The following EFR3A variants were observed in gnomAD, a reference collection of about 807,000 sequenced individuals.
EFR3A encodes EFR3 homolog A, also known as protein EFR3 homolog A.
EFR3A carries 76 observed loss-of-function variants against 104.4 expected under a neutral mutation model. The observed-to-expected ratio is 0.73, with a 90% CI of 0.60 to 0.88. EFR3A has a LOEUF of 0.88. Ranked by LOEUF, EFR3A falls within the 40% of genes least tolerant of loss-of-function variation. EFR3A has a pLI of 0.00. For synonymous variants in EFR3A, 330 were observed against 330.0 expected, an observed-to-expected ratio of 1.00 and a Z score of 0.00; for missense variants, 985 against 1,012.5, an observed-to-expected ratio of 0.97 and a Z score of 0.37.
chr8:131,945,119 T>G (rs1000856260), intron 3 of EFR3A, among the ~76,000 whole-genome samples: 3 of 152,072 alleles, frequency 2.0e-5, no homozygotes, highest in Non-Finnish European at 4.4e-5. Flanking sequence ...TTGTGTCTAT[T>G]GATTTTTGAG....
At position 132,012,186 on chromosome 8, in the gene EFR3A, T is replaced by C. The variant is rs1287062463; in HGVS notation, c.*1291T>C. On this transcript the variant is annotated 3_prime_UTR_variant, in exon 23 of 23. Transcript: ENST00000254624. ...CTTTTTACATAAAACAGCATACATA[T>C]CAAAAACTGTAGCCTAGAATACAGT... The C allele has an allele frequency of 2.6e-5, 4 of 152,292 alleles. No individual in the cohort carries two copies. Among genetic ancestry groups the C allele is most frequent in the East Asian group, 3.9e-4 (2 of 5,186 alleles). 9.4% of individuals were successfully genotyped at this position (152,292 alleles called of 1,614,324 possible).
At position 131,904,210 on chromosome 8, in the gene EFR3A, G is replaced by T. The variant is rs946389078; in HGVS notation, c.-103G>T. On this transcript the variant is annotated 5_prime_UTR_variant, in exon 1 of 23. Coordinates refer to ENST00000254624, the MANE Select transcript of EFR3A (RefSeq NM_015137.6). ...CCCTTCGCCCTTCGCCCTTCGCCTC[G>T]TTCCGGCCTCCGCGGCCCAGCAACG... The T allele has an allele frequency of 8.2e-7, 1 of 1,224,806 alleles. No individual in the cohort carries two copies. The highest frequency in any genetic ancestry group is 1.0e-6 in the Non-Finnish European group (1 of 972,870). 75.9% of individuals were successfully genotyped at this position (1,224,806 alleles called of 1,614,324 possible).
chr8:132,007,109 A>G (rs1297564255), intron 22 of EFR3A, among the ~76,000 whole-genome samples: 1 of 151,900 alleles, frequency 6.6e-6, no homozygotes, highest in Non-Finnish European at 1.5e-5. Flanking sequence ...GTCTACTCTC[A>G]CCATGTCAAC....
chr8:132,011,110 T>C lies in EFR3A; in HGVS notation c.*215T>C. The stretch of plus-strand genomic sequence containing the variant: ...ATAGATTTATGCCATGTTAATTTGC[T>C]TTGAGGTTCCTGTTGCCTTTTTAAG... On this transcript the variant is annotated 3_prime_UTR_variant, in exon 23 of 23. Coordinates refer to ENST00000254624, the MANE Select transcript of EFR3A (RefSeq NM_015137.6). 1.6e-6 allele frequency: 2 copies of C among 1,215,558 alleles called. No individual in the cohort carries two copies. Among genetic ancestry groups the C allele is most frequent in the Non-Finnish European group, 2.1e-6 (2 of 971,518 alleles). The allele number at this position is 1,215,558 out of a possible 1,614,324, so 75.3% of individuals were successfully genotyped here. A position where few individuals can be genotyped will look rare whatever the true frequency, so the allele number is the denominator to read the frequency against.
intron 1 of EFR3A, among the ~76,000 whole-genome samples, chr8:131,911,740 T>C (rs1225912560): frequency 6.6e-6 from 1 of 152,194 alleles, no homozygotes; most frequent in East Asian, 1.9e-4. Flanking sequence ...TATAGAAATA[T>C]TGGCCAAAAT....
chr8:132,002,243 G>A (rs1586678764), intron 20 of EFR3A, among the ~76,000 whole-genome samples: 1 of 152,168 alleles, frequency 6.6e-6, no homozygotes, highest in African/African-American at 2.4e-5. Context: ...TACCTCGTAT[G>A]TGCAAGAACG....
At chr8:131,959,299 C>A (rs1457084360) in intron 7 of EFR3A, among the ~76,000 whole-genome samples, 4 of 151,912 alleles carry the variant, frequency 2.6e-5, no homozygotes, top group African/African-American at 9.7e-5. Flanking sequence ...GTTAAAATTA[C>A]CCTTTGAGAG....
At chr8:132,010,364 G>A (rs1822266691) in intron 22 of EFR3A, among the ~76,000 whole-genome samples, 1 of 132,186 alleles carries the variant, frequency 7.6e-6, no homozygotes, top group Admixed American at 8.2e-5. Context: ...ATGAAAAAAT[G>A]AAAATGAACC....
intron 8 of EFR3A, among the ~76,000 whole-genome samples, chr8:131,962,786 A>G (rs945623035): frequency 6.6e-6 from 1 of 152,168 alleles, no homozygotes; most frequent in African/African-American, 2.4e-5. Flanking sequence ...GCACCACACC[A>G]CACTTATTCC....
In EFR3A at chr8:131,953,986, GT is replaced by G. The variant is rs1818844200; in HGVS notation, c.638+20del. 6.6e-7 allele frequency: 1 copy of G among 1,512,832 alleles called. No individual in the cohort carries two copies. Among genetic ancestry groups the G allele is most frequent in the African/African-American group, 1.4e-5 (1 of 71,554 alleles). The allele number at this position is 1,512,832 out of a possible 1,614,324, so 93.7% of individuals were successfully genotyped here. A position where few individuals can be genotyped will look rare whatever the true frequency, so the allele number is the denominator to read the frequency against. On this transcript the variant is annotated intron_variant, in intron 6 of 22. Coordinates refer to ENST00000254624, the MANE Select transcript of EFR3A (RefSeq NM_015137.6). ...TTGACAGGTATTTAAAAAAATATTA[GT>G]GTTGAGACAGTGTTACTTTTATATA...
chr8:131,932,971 C>T (rs1201912109), intron 1 of EFR3A, among the ~76,000 whole-genome samples: 1 of 152,014 alleles, frequency 6.6e-6, no homozygotes, highest in Non-Finnish European at 1.5e-5. Context: ...TTACTACACT[C>T]CTCTAAAACA....
intron 14 of EFR3A, 29 bp downstream of exon 14, chr8:131,979,450 G>T (rs1213498209): frequency 7.0e-7 from 1 of 1,431,154 alleles, no homozygotes; most frequent in Admixed American, 2.0e-5. Flanking sequence ...AAATAAATGT[G>T]TAGTGTAAAT....
At chr8:131,950,117 A>G (rs1198582519) in intron 5 of EFR3A, 27 bp downstream of exon 5, 3 of 1,559,460 alleles carry the variant, frequency 1.9e-6, no homozygotes, top group Non-Finnish European at 2.6e-6. Flanking sequence ...TTTATGATCT[A>G]TAGTAAGTAA....
At chr8:131,928,673 G>T (rs377480652) in intron 1 of EFR3A, among the ~76,000 whole-genome samples, 6 of 152,090 alleles carry the variant, frequency 3.9e-5, no homozygotes, top group African/African-American at 1.4e-4. Context: ...CCACTGTTGT[G>T]ATTTATTTTG....
intron 8 of EFR3A, among the ~76,000 whole-genome samples, chr8:131,961,814 G>A (rs1586609147): frequency 6.6e-6 from 1 of 152,256 alleles, no homozygotes; most frequent in Admixed American, 6.5e-5. Context: ...AGAGAGAAAG[G>A]TCGGGTTACC....
intron 1 of EFR3A, among the ~76,000 whole-genome samples, chr8:131,939,466 A>G (rs1188173374): frequency 1.3e-4 from 20 of 152,176 alleles, no homozygotes; most frequent in African/African-American, 4.8e-4. Flanking sequence ...GCTCTTTTAA[A>G]CTAAAAGCAG....
intron 22 of EFR3A, among the ~76,000 whole-genome samples, chr8:132,008,428 C>T (rs1033412853): frequency 3.3e-5 from 5 of 151,872 alleles, no homozygotes; most frequent in African/African-American, 1.2e-4. Context: ...TTCATAGTTG[C>T]CAAATGTCCA....
In EFR3A at chr8:132,013,225, T is replaced by C. The variant is rs1232723130; in HGVS notation, c.*2330T>C. 1.3e-5 allele frequency: 2 copies of C among 152,586 alleles called. No homozygotes were observed. Among genetic ancestry groups the C allele is most frequent in the African/African-American group, 4.8e-5 (2 of 41,468 alleles). The allele number at this position is 152,586 out of a possible 1,614,324, so 9.5% of individuals were successfully genotyped here. The stretch of plus-strand genomic sequence containing the variant: ...TGCTGTATAGAATTGCTTATATCAC[T>C]CTTTCTTTCATGACATTGGTTAACA... On this transcript the variant is annotated 3_prime_UTR_variant, in exon 23 of 23. Transcript: ENST00000254624.
At chr8:131,993,208 G>A (rs570223500) in intron 18 of EFR3A, among the ~76,000 whole-genome samples, 2 of 152,284 alleles carry the variant, frequency 1.3e-5, no homozygotes, top group East Asian at 1.9e-4. Flanking sequence ...TTATGCTATA[G>A]TAGCAAACAA....
Sources: gnomAD v4.1 joint callset for allele counts (sites outside exome capture counted in the v4.1 genomes callset) on GRCh38, gnomAD v4.1.1 for gene constraint, MANE v1.5 for transcripts, NCBI Gene and HGNC (gene_info 2026-07-23, HGNC 2026-07-21) for gene names.